INVS: variants seen among roughly 807,000 people sequenced by gnomAD.
INVS encodes inversion of embryo turning homolog.
Under a neutral mutation model 108.8 loss-of-function variants are expected in INVS, and 86 were observed. The observed-to-expected ratio is 0.79, with a 90% CI of 0.66 to 0.95. The LOEUF (loss-of-function observed/expected upper bound fraction) is 0.95, where lower values mean the gene tolerates loss of function less well. INVS is among the 40% of genes least tolerant of loss of function. The pLI is 0.00. For synonymous variants in INVS, 455 were observed against 473.5 expected (o/e 0.96, Z 0.51); for missense variants, 1,169 against 1,297.4 (o/e 0.90, Z 1.52).
intron 3 of INVS, among the ~76,000 whole-genome samples, chr9:100,195,171 A>G (rs1344396043): frequency 3.9e-5 from 6 of 152,192 alleles, no homozygotes; most frequent in South Asian, 4.1e-4. Flanking sequence ...GCTGATTTGG[A>G]GCTGAGAGGC....
intron 8 of INVS, among the ~76,000 whole-genome samples, chr9:100,249,963 G>A (rs116561984): frequency 6.6e-6 from 1 of 151,760 alleles, no homozygotes; most frequent in Admixed American, 6.6e-5. Context: ...AAATGAGCTG[G>A]GTGTGGTGGT....
At chr9:100,186,578 A>G (rs539774476) in intron 3 of INVS, among the ~76,000 whole-genome samples, 6 of 151,952 alleles carry the variant, frequency 3.9e-5, no homozygotes, top group Non-Finnish European at 7.4e-5. Context: ...CTATGGTGAT[A>G]TTATCTCATT....
chr9:100,254,165 A>G (rs572083035), intron 10 of INVS, among the ~76,000 whole-genome samples: 1 of 152,304 alleles, frequency 6.6e-6, no homozygotes, highest in Non-Finnish European at 1.5e-5. Context: ...TCTGATGGCC[A>G]GTGATGATGA....
chr9:100,267,019 TAAAAAAAAAAA>T (rs11415703), intron 11 of INVS, among the ~76,000 whole-genome samples: 2 of 93,124 alleles, frequency 2.1e-5, no homozygotes, highest in South Asian at 5.0e-4. Context: ...TTTGAAACTC[TAAAAAAAAAAA>T]AAAAAAAAAA....
chr9:100,180,162 C>T (rs542458181), intron 3 of INVS, among the ~76,000 whole-genome samples: 7 of 152,198 alleles, frequency 4.6e-5, no homozygotes, highest in African/African-American at 9.6e-5. Flanking sequence ...AAATTTATAG[C>T]ACTAAATGCC....
intron 2 of INVS, among the ~76,000 whole-genome samples, chr9:100,106,970 TG>T (rs1242806006): frequency 1.3e-5 from 2 of 151,770 alleles, no homozygotes; most frequent in Non-Finnish European, 2.9e-5. Flanking sequence ...AAAGAATGAA[TG>T]GGGGGCAAAT....
intron 3 of INVS, among the ~76,000 whole-genome samples, chr9:100,170,643 G>A (rs1829508723): frequency 6.6e-6 from 1 of 152,070 alleles, no homozygotes; most frequent in African/African-American, 2.4e-5. Context: ...GTTTAAATAG[G>A]TTTAAATAGG....
At chr9:100,114,682 G>C (rs1564118531) in intron 2 of INVS, among the ~76,000 whole-genome samples, 1 of 152,068 alleles carries the variant, frequency 6.6e-6, no homozygotes, top group Admixed American at 6.5e-5. Flanking sequence ...CTGGGATTAT[G>C]GGCGTGAGCC....
intron 2 of INVS, among the ~76,000 whole-genome samples, chr9:100,121,196 T>G (rs895215386): frequency 6.6e-6 from 1 of 152,184 alleles, no homozygotes; most frequent in African/African-American, 2.4e-5. Context: ...CTCACCTGAT[T>G]AGGTGAAAGC....
At chr9:100,142,574 T>A (rs562300672) in intron 3 of INVS, among the ~76,000 whole-genome samples, 2 of 151,674 alleles carry the variant, frequency 1.3e-5, no homozygotes, top group African/African-American at 4.8e-5. Context: ...GGAGGCCGGG[T>A]TGAAGTCCGT....
Position 100,292,717 on chromosome 9 carries a change from T to C in INVS, c.2460T>C (p.His820=). Residue 820 remains histidine, a synonymous_variant, in exon 14 of 17, where the codon CAT becomes CAC. Transcript: ENST00000262457. The part of the protein sequence containing the change: ...RPGSARGEAV[H]AGQNPPHHRT... ...GCAGTGCCCGGGGGGAGGCGGTCCA[T>C]GCTGGGCAGAATCCTCCCCACCATC... 1 of 1,614,122 alleles carries C rather than the reference T, an allele frequency of 6.2e-7. No individual in the cohort carries two copies.
At chr9:100,286,757 C>T (rs1195932173) in intron 13 of INVS, among the ~76,000 whole-genome samples, 2 of 152,184 alleles carry the variant, frequency 1.3e-5, no homozygotes, top group African/African-American at 4.8e-5. Context: ...AGATGCCACT[C>T]CCTCTACCTT....
chr9:100,293,884 C>T (rs981626089), intron 14 of INVS, among the ~76,000 whole-genome samples: 4 of 152,132 alleles, frequency 2.6e-5, no homozygotes, highest in African/African-American at 4.8e-5. Flanking sequence ...GGGAGTTGGC[C>T]GGGCAGAGTG....
intron 3 of INVS, among the ~76,000 whole-genome samples, chr9:100,148,512 A>C (rs1412098265): frequency 6.6e-6 from 1 of 152,206 alleles, no homozygotes. Flanking sequence ...CAAGTTTACA[A>C]AGGATATAAT....
Position 100,292,817 on chromosome 9 carries a change from G to C in INVS, c.2560G>C (p.Glu854Gln). The C allele has an allele frequency of 1.2e-6, 2 of 1,614,144 alleles. No homozygotes were observed. Among genetic ancestry groups the C allele is most frequent in the Non-Finnish European group, 1.7e-6 (2 of 1,180,018 alleles). Reference protein sequence around the residue: ...LYSHLPQSTEELRSGARRLET... With the variant: ...LYSHLPQSTEQLRSGARRLET... Reference sequence around the variant, plus strand: ...TTCACATTTGCCACAGAGCACAGAGGAGTTGAGGTCAGGAGCTAGGAGGCT... The same window carrying C: ...TTCACATTTGCCACAGAGCACAGAGCAGTTGAGGTCAGGAGCTAGGAGGCT... The change falls in exon 14 of 17, where the codon GAG becomes CAG. Residue 854 changes from glutamate (E) to glutamine (Q), a missense_variant. Transcript: ENST00000262457.
At chr9:100,223,510 C>T (rs1321182384) in intron 3 of INVS, among the ~76,000 whole-genome samples, 1 of 152,208 alleles carries the variant, frequency 6.6e-6, no homozygotes, top group Non-Finnish European at 1.5e-5. Context: ...GTGCCAGGAA[C>T]TATGCTGAGC....
intron 8 of INVS, among the ~76,000 whole-genome samples, chr9:100,247,976 T>C (rs1832099256): frequency 1.3e-5 from 2 of 151,378 alleles, no homozygotes; most frequent in Non-Finnish European, 2.9e-5. Context: ...GCCCAGCTAA[T>C]TTTTTTTTCT....
At chr9:100,200,737 C>A (rs1362644211) in intron 3 of INVS, among the ~76,000 whole-genome samples, 4 of 152,192 alleles carry the variant, frequency 2.6e-5, no homozygotes, top group African/African-American at 2.4e-5. Context: ...GTCTCCCATA[C>A]ATTGTCAATT....
At chr9:100,142,367 A>T (rs1180655678) in intron 3 of INVS, among the ~76,000 whole-genome samples, 1 of 152,140 alleles carries the variant, frequency 6.6e-6, no homozygotes, top group Non-Finnish European at 1.5e-5. Context: ...AGCCTCAATG[A>T]TAGATGTGGA....
Sources: gnomAD v4.1 joint callset for allele counts (sites outside exome capture counted in the v4.1 genomes callset) on GRCh38, gnomAD v4.1.1 for gene constraint, MANE v1.5 for transcripts, NCBI Gene and HGNC (gene_info 2026-07-23, HGNC 2026-07-21) for gene names.